Variants in ROR1 observed in about 807,000 individuals in gnomAD.
The protein encoded by ROR1 is ROR family WNT receptor 1, also known as inactive tyrosine-protein kinase transmembrane receptor ROR1.
A neutral mutation model predicts 78.8 loss-of-function variants in ROR1; 19 were observed. The observed-to-expected ratio is 0.24, with a 90% CI of 0.17 to 0.35. The LOEUF (loss-of-function observed/expected upper bound fraction) is 0.35, where lower values mean the gene tolerates loss of function less well. Ranked by LOEUF, ROR1 falls within the 10% of genes least tolerant of loss-of-function variation. ROR1 has a pLI of 1.00. For missense variants in ROR1, 917 were observed against 1,177.8 expected (o/e 0.78, Z 3.24); for synonymous variants, 386 against 433.6 (o/e 0.89, Z 1.36).
chr1:63,875,223 A>AAAAAC (rs1358252225), intron 1 of ROR1, among the ~76,000 whole-genome samples: 2 of 152,220 alleles, frequency 1.3e-5, no homozygotes, highest in Admixed American at 1.3e-4. Context: ...AGGAGTAAAT[A>AAAAAC]AATTAGTTTG....
chr1:63,824,595 G>A (rs1043351203), intron 1 of ROR1, among the ~76,000 whole-genome samples: 7 of 152,080 alleles, frequency 4.6e-5, no homozygotes, highest in Non-Finnish European at 1.0e-4. Context: ...TTGCAAATTT[G>A]CTACAAACAA....
intron 1 of ROR1, among the ~76,000 whole-genome samples, chr1:63,948,642 T>C (rs1645909778): frequency 1.3e-5 from 2 of 152,186 alleles, no homozygotes. Context: ...CGGATTCTTA[T>C]ATTGAAACCC....
chr1:63,926,273 T>C (rs1429370766), intron 1 of ROR1, among the ~76,000 whole-genome samples: 2 of 149,520 alleles, frequency 1.3e-5, no homozygotes, highest in African/African-American at 4.9e-5. Context: ...AAATAGGGAA[T>C]CCTTTCCCCA....
intron 1 of ROR1, among the ~76,000 whole-genome samples, chr1:64,008,630 T>C (rs1199067124): frequency 6.6e-6 from 1 of 152,108 alleles, no homozygotes; most frequent in African/African-American, 2.4e-5. Flanking sequence ...ATCTGTTATT[T>C]TTTGACTTTT....
intron 2 of ROR1, among the ~76,000 whole-genome samples, chr1:64,017,400 CT>C (rs1015432283): frequency 2.2e-4 from 34 of 152,058 alleles, no homozygotes; most frequent in African/African-American, 8.0e-4. Flanking sequence ...GGTATTAATC[CT>C]TTTTGACAAG....
chr1:64,015,709 G>A (rs184124346), intron 2 of ROR1, among the ~76,000 whole-genome samples: 3 of 152,134 alleles, frequency 2.0e-5, no homozygotes, highest in Non-Finnish European at 4.4e-5. Flanking sequence ...GCAAGCTGAT[G>A]AACAGTCTTC....
chr1:63,947,565 C>T (rs1645900338), intron 1 of ROR1, among the ~76,000 whole-genome samples: 1 of 152,142 alleles, frequency 6.6e-6, no homozygotes, highest in South Asian at 2.1e-4. Context: ...ATGTACCAGC[C>T]AGCTCCACTG....
chr1:63,838,904 A>G (rs1450008501), intron 1 of ROR1, among the ~76,000 whole-genome samples: 1 of 152,168 alleles, frequency 6.6e-6, no homozygotes, highest in Non-Finnish European at 1.5e-5. Flanking sequence ...AGCTATACAG[A>G]TACCATTGTG....
At chr1:63,855,325 T>C (rs1409517935) in intron 1 of ROR1, among the ~76,000 whole-genome samples, 1 of 152,210 alleles carries the variant, frequency 6.6e-6, no homozygotes, top group Non-Finnish European at 1.5e-5. Context: ...TTGTTTTTTA[T>C]TACAATTTGT....
chr1:63,940,391 G>A (rs958563363), intron 1 of ROR1, among the ~76,000 whole-genome samples: 1 of 152,020 alleles, frequency 6.6e-6, no homozygotes, highest in South Asian at 2.1e-4. Context: ...GAATAGATAA[G>A]GACAGCAATG....
intron 4 of ROR1, among the ~76,000 whole-genome samples, chr1:64,115,241 T>A (rs1350614984): frequency 6.6e-6 from 1 of 151,692 alleles, no homozygotes; most frequent in Non-Finnish European, 1.5e-5. Flanking sequence ...TTTATTTTTA[T>A]AACTTGCTCT....
intron 1 of ROR1, among the ~76,000 whole-genome samples, chr1:63,996,031 G>A (rs1646334387): frequency 1.3e-5 from 2 of 152,096 alleles, no homozygotes; most frequent in South Asian, 4.1e-4. Context: ...ATAATATAGG[G>A]AGCATGCAGC....
chr1:64,177,405 C>T (rs752027399), intron 8 of ROR1, 23 bp from the exon 9 acceptor site: 38 of 1,568,524 alleles, frequency 2.4e-5, no homozygotes, highest in Non-Finnish European at 3.1e-5. Flanking sequence ...TTTTAAACCA[C>T]GTTTTTCCTC....
At chr1:64,091,046 G>C (rs1313203453) in intron 4 of ROR1, among the ~76,000 whole-genome samples, 2 of 152,146 alleles carry the variant, frequency 1.3e-5, no homozygotes, top group African/African-American at 4.8e-5. Flanking sequence ...TAAAGATCCT[G>C]TAGATGGTTA....
intron 1 of ROR1, among the ~76,000 whole-genome samples, chr1:63,778,745 A>G (rs12061496): frequency 0.02 from 2,988 of 152,298 alleles, 105 homozygotes; most frequent in African/African-American, 0.068. Context: ...GGGAGATAGC[A>G]TAATTAGCTC....
chr1:64,118,127 C>T (rs941115797), intron 4 of ROR1, among the ~76,000 whole-genome samples: 1 of 152,138 alleles, frequency 6.6e-6, no homozygotes, highest in Non-Finnish European at 1.5e-5. Context: ...CACCCAAGCC[C>T]AGTAGGTCAA....
chr1:64,136,631 C>T (rs972816467), intron 4 of ROR1, among the ~76,000 whole-genome samples: 1 of 152,050 alleles, frequency 6.6e-6, no homozygotes, highest in African/African-American at 2.4e-5. Flanking sequence ...TTTCTGGTGT[C>T]CCTCTGTCTT....
chr1:63,948,677 GA>G (rs1255567364), intron 1 of ROR1, among the ~76,000 whole-genome samples: 3 of 152,338 alleles, frequency 2.0e-5, no homozygotes. Flanking sequence ...ATGGTATTAG[GA>G]GATGGGGCCT....
At chr1:64,060,684 A>C (rs543300633) in intron 4 of ROR1, among the ~76,000 whole-genome samples, 1 of 152,314 alleles carries the variant, frequency 6.6e-6, no homozygotes, top group East Asian at 1.9e-4. Context: ...CAGCACACAG[A>C]GGGCCATTGC....
Sources: allele counts gnomAD v4.1 joint callset (sites outside exome capture counted in the v4.1 genomes callset), GRCh38; gene constraint gnomAD v4.1.1; transcripts MANE v1.5; gene names NCBI Gene and HGNC (gene_info 2026-07-23, HGNC 2026-07-21).